The following DZIP1 variants were observed in gnomAD, a reference collection of about 807,000 sequenced individuals.
The protein encoded by DZIP1 is cilium assembly protein DZIP1.
A neutral mutation model predicts 107.6 loss-of-function variants in DZIP1; 97 were observed. The observed-to-expected ratio is 0.90, with a 90% CI of 0.77 to 1.07. DZIP1 has a LOEUF of 1.07. Ranked by LOEUF, DZIP1 falls within the 50% of genes least tolerant of loss-of-function variation. The pLI, the probability that DZIP1 is intolerant of heterozygous loss-of-function variation, is 0.00. For synonymous variants in DZIP1, 390 were observed against 386.4 expected (o/e 1.01, Z -0.11); for missense variants, 1,035 against 1,063.6 (o/e 0.97, Z 0.37).
intron 16 of DZIP1, among the ~76,000 whole-genome samples, chr13:95,591,084 A>G (rs1594650641): frequency 6.8e-6 from 1 of 147,024 alleles, no homozygotes; most frequent in Non-Finnish European, 1.5e-5. Flanking sequence ...GCTGGAGTGC[A>G]ATGGCGCAAT....
intron 6 of DZIP1, among the ~76,000 whole-genome samples, chr13:95,631,564 C>T (rs1877199710): frequency 6.6e-6 from 1 of 152,162 alleles, no homozygotes; most frequent in Non-Finnish European, 1.5e-5. Context: ...AGAGCCCTTA[C>T]ATTCTTTGCT....
chr13:95,595,738 G>A (rs1205170615), intron 15 of DZIP1, among the ~76,000 whole-genome samples: 3 of 151,994 alleles, frequency 2.0e-5, no homozygotes, highest in Admixed American at 1.3e-4. Context: ...CCAATTATGT[G>A]AAGACTCTTT....
Position 95,603,306 on chromosome 13 carries a change from C to CAAAAA in DZIP1, c.1477+2692_1477+2696dup, listed in dbSNP as rs34995131. Among the ~76,000 whole-genome samples the CAAAAA allele has an allele frequency of 5.4e-4, 26 of 47,960 alleles. 2 individuals carry two copies. The highest frequency in any genetic ancestry group is 1.7e-3 in the African/African-American group (20 of 11,876). The allele number at this position is 47,960 out of a possible 152,430, so 31.5% of individuals were successfully genotyped here. On this transcript the variant is annotated intron_variant, in intron 14 of 22. Transcript: ENST00000376829. The stretch of plus-strand genomic sequence containing the variant: ...TGGGCGACAGAGAAATGCCCAGTCT[C>CAAAAA]AAAAAAAAAAAAAAAAAAAAAAAAA...
In DZIP1 at chr13:95,641,842, T is replaced by G; in HGVS notation, c.50A>C (p.His17Pro). Residue 17 changes from histidine to proline, a missense_variant, in exon 5 of 23, where the codon CAT becomes CCT. Coordinates refer to ENST00000376829, the MANE Select transcript of DZIP1 (RefSeq NM_198968.4). The surrounding 1 kb of genome is among the most constrained non-coding windows in gnomAD (Gnocchi z 4.3). ...GCCGCTGGCGAGCGGGTAGTAGACA[T>G]GCTTCTGGAAGGGCTGCGGGGGGCA... ...DWFSSMPFQK[H>P]VYYPLASGPE... 2 of 1,414,086 alleles carry G rather than the reference T, an allele frequency of 1.4e-6. No individual in the cohort carries two copies. The highest frequency in any genetic ancestry group is 1.8e-6 in the Non-Finnish European group (2 of 1,089,518). The allele number at this position is 1,414,086 out of a possible 1,614,324, so 87.6% of individuals were successfully genotyped here.
At chr13:95,630,241 A>C (rs1167345433) in intron 6 of DZIP1, 128 bp from the exon 7 acceptor site, 1 of 1,212,850 alleles carries the variant, frequency 8.2e-7, no homozygotes, top group Non-Finnish European at 1.1e-6. Context: ...TACTTGTTTC[A>C]TGCCACATGA....
At chr13:95,625,154 A>T (rs1298742335) in intron 7 of DZIP1, among the ~76,000 whole-genome samples, 1 of 152,184 alleles carries the variant, frequency 6.6e-6, no homozygotes, top group African/African-American at 2.4e-5. Context: ...TAAAATACCA[A>T]CACAGACGCC....
chr13:95,584,285 A>AG (rs2044089384), intron 22 of DZIP1, among the ~76,000 whole-genome samples: 1 of 67,286 alleles, frequency 1.5e-5, no homozygotes, highest in Non-Finnish European at 3.0e-5. Context: ...AAAAAAAAAA[A>AG]AAAAATAAAA....
intron 5 of DZIP1, among the ~76,000 whole-genome samples, chr13:95,637,613 TC>T (rs1240744882): frequency 1.1e-3 from 9 of 8,464 alleles, no homozygotes; most frequent in Non-Finnish European, 3.2e-3. Flanking sequence ...GATCTCTCTC[TC>T]TCTCTCTCTC....
At chr13:95,611,992 T>C (rs374492885) in intron 11 of DZIP1, 45 bp downstream of exon 11, 23 of 1,599,862 alleles carry the variant, frequency 1.4e-5, no homozygotes, top group Admixed American at 3.5e-5. Context: ...TTAGATAGAC[T>C]GCGTTGCTTA....
At chr13:95,638,643 A>G (rs1878110120) in intron 5 of DZIP1, among the ~76,000 whole-genome samples, 2 of 151,596 alleles carry the variant, frequency 1.3e-5, no homozygotes, top group African/African-American at 4.8e-5. Context: ...CACAACACAC[A>G]CACACACACA....
In DZIP1 at chr13:95,641,404, A is replaced by T; in HGVS notation, c.488T>A (p.Leu163His). 1.2e-6 allele frequency: 2 copies of T among 1,614,046 alleles called. No homozygotes were observed. The highest frequency in any genetic ancestry group is 2.2e-5 in the South Asian group (2 of 91,080). ...CTTGATCTCCCCCGCCTGCTTGGTG[A>T]GCAGCTTCTTGCTCTGCTCGCCGTC... ...HCDGEQSKKL[L>H]TKQAGEIKTL... Residue 163 changes from leucine (L) to histidine (H), a missense_variant, in exon 5 of 23, where the codon CTC becomes CAC. By Grantham distance (99) the Leu-to-His change is moderately conservative. Coordinates refer to ENST00000376829, the MANE Select transcript of DZIP1 (RefSeq NM_198968.4). The surrounding 1 kb of genome is among the most constrained non-coding windows in gnomAD (Gnocchi z 4.3).
Position 95,641,568 on chromosome 13 carries a change from G to C in DZIP1, c.324C>G (p.His108Gln). The C allele has an allele frequency of 6.2e-7, 1 of 1,613,800 alleles. No homozygotes were observed. ...FCKLEDEKCP[H>Q]CQSGVDPVLL... ...GCACCGGGTCCACCCCCGACTGGCA[G>C]TGTGGGCACTTCTCGTCTTCCAGCT... Residue 108 changes from histidine (H) to glutamine (Q), a missense_variant, in exon 5 of 23, where the codon CAC (histidine) becomes CAG (glutamine). His to Gln is a conservative substitution (Grantham distance 24). Transcript: ENST00000376829. The surrounding 1 kb of genome is among the most constrained non-coding windows in gnomAD (Gnocchi z 4.3).
At chr13:95,633,182 A>G in intron 6 of DZIP1, 52 bp downstream of exon 6, 1 of 1,545,094 alleles carries the variant, frequency 6.5e-7, no homozygotes, top group Non-Finnish European at 8.9e-7. Flanking sequence ...TCATTGCCAA[A>G]AGAAAAAGGG....
intron 7 of DZIP1, among the ~76,000 whole-genome samples, chr13:95,625,716 A>T: frequency 6.6e-6 from 1 of 152,216 alleles, no homozygotes; most frequent in African/African-American, 2.4e-5. Context: ...TCACTAGGGA[A>T]ATTGGAAGAT....
intron 5 of DZIP1, among the ~76,000 whole-genome samples, chr13:95,638,272 T>C (rs890548736): frequency 6.6e-6 from 1 of 151,938 alleles, no homozygotes; most frequent in Non-Finnish European, 1.5e-5. Flanking sequence ...GTATTTTTAG[T>C]AGAGATGGGG....
At chr13:95,605,852 G>A in intron 14 of DZIP1, 151 bp downstream of exon 14, 3 of 717,330 alleles carry the variant, frequency 4.2e-6, no homozygotes, top group Non-Finnish European at 6.9e-6. Context: ...TATTACACAT[G>A]AAGACTGCAG....
intron 16 of DZIP1, among the ~76,000 whole-genome samples, chr13:95,591,799 A>T (rs1204853314): frequency 6.6e-6 from 1 of 152,240 alleles, no homozygotes; most frequent in Non-Finnish European, 1.5e-5. Context: ...AATTTAAAAC[A>T]ATTTCAATCA....
In DZIP1 at chr13:95,641,820, G is replaced by T. The variant is rs1378714230; in HGVS notation, c.72C>A (p.Ser24Arg). The T allele has an allele frequency of 3.6e-5, 53 of 1,469,108 alleles. No individual in the cohort carries two copies. The highest frequency in any genetic ancestry group is 8.3e-5 in the Admixed American group (3 of 36,226). The allele number at this position is 1,469,108 out of a possible 1,614,324, so 91.0% of individuals were successfully genotyped here. A position where few individuals can be genotyped will look rare whatever the true frequency, so the allele number is the denominator to read the frequency against. Residue 24 changes from serine (S) to arginine (R), a missense_variant, in exon 5 of 23, where the codon AGC (serine) becomes AGA (arginine). Transcript: ENST00000376829. The surrounding 1 kb of genome is among the most constrained non-coding windows in gnomAD (Gnocchi z 4.3). ...FQKHVYYPLA[S>R]GPEGPDVAVA... is the part of the protein sequence containing the mutation. The stretch of plus-strand genomic sequence containing the variant: ...CAGCGACGTCGGGCCCCTCTGGGCC[G>T]CTGGCGAGCGGGTAGTAGACATGCT...
chr13:95,600,629 T>TAGATAGACAGACAGAC (rs147121754), intron 14 of DZIP1, among the ~76,000 whole-genome samples: 8,013 of 146,874 alleles, frequency 0.055, 302 homozygotes, highest in African/African-American at 0.096. Flanking sequence ...GATAGATAGA[T>TAGATAGACAGACAGAC]AGACAGACAG....
Sources: gnomAD v4.1 joint callset for allele counts (sites outside exome capture counted in the v4.1 genomes callset) on GRCh38, gnomAD v4.1.1 for gene constraint, Gnocchi (gnomAD v3.1) non-coding constraint, MANE v1.5 for transcripts, NCBI Gene and HGNC (gene_info 2026-07-23, HGNC 2026-07-21) for gene names.